Variants in PRKN observed in about 807,000 individuals in gnomAD.
PRKN encodes the protein parkin RBR E3 ubiquitin protein ligase, also known as E3 ubiquitin-protein ligase parkin.
PRKN carries 56 observed loss-of-function variants against 59.5 expected under a neutral mutation model. The observed-to-expected ratio is 0.94, with a 90% CI of 0.76 to 1.18. PRKN has a LOEUF of 1.18. Ranked by LOEUF, PRKN falls within the 50% of genes most tolerant of loss-of-function variation. PRKN has a pLI of 0.00. For missense variants in PRKN, 657 were observed against 596.4 expected, an observed-to-expected ratio of 1.10 and a Z score of -1.06; for synonymous variants, 250 against 222.1, an observed-to-expected ratio of 1.13 and a Z score of -1.12.
chr6:162,720,085 G>C (rs770361514), intron 1 of PRKN, among the ~76,000 whole-genome samples: 23 of 152,160 alleles, frequency 1.5e-4, no homozygotes, highest in Non-Finnish European at 2.8e-4. Flanking sequence ...CGCAGTTACA[G>C]AGGGCTTCAT....
At chr6:161,864,994 G>T (rs1324014372) in intron 6 of PRKN, among the ~76,000 whole-genome samples, 1 of 152,050 alleles carries the variant, frequency 6.6e-6, no homozygotes, top group Non-Finnish European at 1.5e-5. Context: ...ATCCGTCAGA[G>T]GAATCACTTT....
chr6:161,757,187 G>A (rs1321410739), intron 7 of PRKN, among the ~76,000 whole-genome samples: 1 of 152,120 alleles, frequency 6.6e-6, no homozygotes, highest in African/African-American at 2.4e-5. Context: ...GATTTCTTAG[G>A]TATGCTACAT....
intron 1 of PRKN, among the ~76,000 whole-genome samples, chr6:162,453,881 C>T (rs1274497747): frequency 2.0e-5 from 3 of 151,616 alleles, no homozygotes; most frequent in Admixed American, 6.6e-5. Context: ...CCAGCCTGGG[C>T]GACAAGAGTG....
In PRKN at chr6:161,429,105, T is replaced by C. The variant is rs993000399; in HGVS notation, c.1084-42228A>G. ...CAGATGGCACCTTTGCTAACCTTGA[T>C]TGTGCCTTGAGATATTCACCTTTCC... On this transcript the variant is annotated intron_variant, in intron 9 of 11. Transcript: ENST00000366898. The surrounding 1 kb of genome is among the most constrained non-coding windows in gnomAD (Gnocchi z 4.2). Among the ~76,000 whole-genome samples the C allele has an allele frequency of 6.6e-6, 1 of 152,224 alleles. No individual in the cohort carries two copies. The highest frequency in any genetic ancestry group is 1.5e-5 in the Non-Finnish European group (1 of 68,042).
intron 4 of PRKN, among the ~76,000 whole-genome samples, chr6:162,073,228 A>G (rs748415804): frequency 6.6e-6 from 1 of 152,238 alleles, no homozygotes; most frequent in Non-Finnish European, 1.5e-5. Context: ...TACTCACTTT[A>G]TAACAACCCC....
chr6:162,367,235 T>C (rs938084225), intron 2 of PRKN, among the ~76,000 whole-genome samples: 1 of 152,188 alleles, frequency 6.6e-6, no homozygotes, highest in Non-Finnish European at 1.5e-5. Flanking sequence ...TCCACCATGA[T>C]TGTAAGTTCA....
chr6:161,751,473 T>A (rs1163780242), intron 7 of PRKN, among the ~76,000 whole-genome samples: 2 of 152,270 alleles, frequency 1.3e-5, no homozygotes, highest in Non-Finnish European at 2.9e-5. Flanking sequence ...CATTTATGAT[T>A]ACCTGTAAAT....
At chr6:162,428,743 C>T (rs572775054) in intron 2 of PRKN, among the ~76,000 whole-genome samples, 1 of 152,158 alleles carries the variant, frequency 6.6e-6, no homozygotes, top group Non-Finnish European at 1.5e-5. Flanking sequence ...AGTACCCTAG[C>T]GAAGCCCCAT....
At chr6:162,683,891 G>A (rs2128233450) in intron 1 of PRKN, among the ~76,000 whole-genome samples, 1 of 152,216 alleles carries the variant, frequency 6.6e-6, no homozygotes, top group African/African-American at 2.4e-5. Context: ...TTCAAAAGCA[G>A]TACCAAAATC....
chr6:162,282,140 A>T (rs1583311363), intron 2 of PRKN, among the ~76,000 whole-genome samples: 2 of 152,178 alleles, frequency 1.3e-5, no homozygotes, highest in East Asian at 3.9e-4. Context: ...GGGGTTGGAG[A>T]CCCCTGGTAT....
At chr6:162,083,298 A>G (rs948747940) in intron 4 of PRKN, among the ~76,000 whole-genome samples, 6 of 152,144 alleles carry the variant, frequency 3.9e-5, no homozygotes, top group Admixed American at 1.3e-4. Context: ...GGTTTAAAAC[A>G]TTGTGAGAAT....
intron 2 of PRKN, among the ~76,000 whole-genome samples, chr6:162,353,837 C>A (rs1784726253): frequency 6.6e-6 from 1 of 152,088 alleles, no homozygotes; most frequent in Non-Finnish European, 1.5e-5. Context: ...TTTTATGTGT[C>A]TGTAGTGTCA....
chr6:162,466,608 A>G (rs74525401), intron 1 of PRKN, among the ~76,000 whole-genome samples: 25,338 of 151,552 alleles, frequency 0.17, 2,585 homozygotes, highest in African/African-American at 0.29. Context: ...GAGTCTCACT[A>G]TGTTGCCCAG....
intron 4 of PRKN, among the ~76,000 whole-genome samples, chr6:162,125,044 TA>T (rs1438167398): frequency 2.0e-5 from 3 of 152,184 alleles, no homozygotes; most frequent in African/African-American, 7.2e-5. Context: ...ACGATTATTA[TA>T]GAAAGTGAGG....
At chr6:162,115,210 C>T (rs1443752871) in intron 4 of PRKN, among the ~76,000 whole-genome samples, 1 of 151,992 alleles carries the variant, frequency 6.6e-6, no homozygotes, top group East Asian at 1.9e-4. Flanking sequence ...ATGGATGAAA[C>T]TGGAAATCAT....
In PRKN at chr6:162,234,085, C is replaced by T. The variant is rs571048710; in HGVS notation, c.412+28440G>A. On this transcript the variant is annotated intron_variant, in intron 3 of 11. Transcript: ENST00000366898. ...CTATGAGGAAAAGAAAAAGATGCAG[C>T]TCAGAATCATAGTATTGAACCTAAC... 5.3e-5 allele frequency among the ~76,000 whole-genome samples: 8 copies of T among 152,198 alleles called. No individual in the cohort carries two copies. The East Asian group carries it at 1.2e-3, about 22-fold the overall frequency.
chr6:162,624,525 C>G (rs1782807970), intron 1 of PRKN: 1 of 152,174 alleles, frequency 6.6e-6, no homozygotes, highest in African/African-American at 2.4e-5. Flanking sequence ...GCTGAAGCCA[C>G]ATTGTGTGGT....
intron 1 of PRKN, among the ~76,000 whole-genome samples, chr6:162,589,696 G>C (rs1417128561): frequency 6.6e-6 from 1 of 152,140 alleles, no homozygotes; most frequent in African/African-American, 2.4e-5. Context: ...ATTAAAAGTA[G>C]AGATACACTT....
intron 1 of PRKN, among the ~76,000 whole-genome samples, chr6:162,451,385 A>T (rs941310447): frequency 6.6e-5 from 10 of 151,618 alleles, no homozygotes; most frequent in African/African-American, 2.4e-4. Context: ...AAAAAAAAAA[A>T]ATTGCAATGA....
Sources: gnomAD v4.1 joint callset for allele counts (sites outside exome capture counted in the v4.1 genomes callset) on GRCh38, gnomAD v4.1.1 for gene constraint, Gnocchi (gnomAD v3.1) non-coding constraint, MANE v1.5 for transcripts, NCBI Gene and HGNC (gene_info 2026-07-23, HGNC 2026-07-21) for gene names.